The following ERBB4 variants were observed in gnomAD, a reference collection of about 807,000 sequenced individuals.
The protein encoded by ERBB4 is receptor tyrosine-protein kinase erbB-4.
Under a neutral mutation model 158.0 loss-of-function variants are expected in ERBB4, and 42 were observed. That is an observed-to-expected ratio of 0.27 (90% CI 0.21 to 0.34). The LOEUF (loss-of-function observed/expected upper bound fraction) is 0.34. Ranked by LOEUF, ERBB4 falls within the 10% of genes least tolerant of loss-of-function variation. ERBB4 has a pLI of 1.00. For missense variants in ERBB4, 1,333 were observed against 1,624.1 expected (o/e 0.82, Z 3.08); for synonymous variants, 583 against 558.7 (o/e 1.04, Z -0.61).
rs959519309 is a variant in ERBB4, at chr2:211,420,757, A to T, written c.2965-146T>A. 4.2e-6 allele frequency: 3 copies of T among 718,096 alleles called. No homozygotes were observed. The African/African-American group carries it at 5.4e-5, about 13-fold the overall frequency. 44.5% of individuals were successfully genotyped at this position (718,096 alleles called of 1,614,324 possible). A position where few individuals can be genotyped will look rare whatever the true frequency, so the allele number is the denominator to read the frequency against. On this transcript the variant is annotated intron_variant, in intron 24 of 27. Coordinates refer to ENST00000342788, the MANE Select transcript of ERBB4 (RefSeq NM_005235.3). ...AAAAAAACAAGTCTTTAGCACAACC[A>T]CCGGCCATTAAGAAACCTATAACAT... is the stretch of plus-strand genomic sequence containing the variant.
intron 1 of ERBB4, among the ~76,000 whole-genome samples, chr2:212,298,984 TATC>T (rs1376214252): frequency 6.6e-6 from 1 of 151,752 alleles, no homozygotes; most frequent in Admixed American, 6.6e-5. Flanking sequence ...TGATAATAAT[TATC>T]ATAATAATAG....
intron 2 of ERBB4, among the ~76,000 whole-genome samples, chr2:212,031,825 A>G (rs1359832929): frequency 4.6e-5 from 7 of 152,118 alleles, no homozygotes; most frequent in Non-Finnish European, 1.0e-4. Context: ...CTGACACTTT[A>G]TATTAAATTG....
At chr2:212,093,325 A>G (rs566623171) in intron 2 of ERBB4, among the ~76,000 whole-genome samples, 57 of 152,338 alleles carry the variant, frequency 3.7e-4, no homozygotes, top group African/African-American at 1.3e-3. Context: ...GGATAATATT[A>G]CTATCATTTC....
At chr2:211,772,530 G>A (rs1158589517) in intron 4 of ERBB4, among the ~76,000 whole-genome samples, 1 of 151,936 alleles carries the variant, frequency 6.6e-6, no homozygotes, top group African/African-American at 2.4e-5. Flanking sequence ...GAGGGTCTCA[G>A]TAGTGGGGGA....
intron 1 of ERBB4, among the ~76,000 whole-genome samples, chr2:212,512,814 A>G (rs1322728459): frequency 4.6e-5 from 7 of 152,290 alleles, no homozygotes; most frequent in Admixed American, 6.5e-5. Context: ...GAAAAAAATG[A>G]AAGAGGAAAA....
intron 20 of ERBB4, among the ~76,000 whole-genome samples, chr2:211,518,684 G>A (rs1251134233): frequency 6.6e-6 from 1 of 151,880 alleles, no homozygotes; most frequent in Non-Finnish European, 1.5e-5. Context: ...TCTATGTAAA[G>A]GGTTTTGTTT....
intron 1 of ERBB4, among the ~76,000 whole-genome samples, chr2:212,327,226 G>A (rs559548216): frequency 7.2e-5 from 10 of 138,852 alleles, no homozygotes; most frequent in African/African-American, 2.2e-4. Flanking sequence ...ACTGTTCTAA[G>A]TACTTCAAGT....
rs190140042 is a variant in ERBB4, at chr2:211,445,769, A to G, written c.2488-14669T>C. Reference sequence around the variant, plus strand: ...TAGGCTCTTAAAACTAAATGAATACATAGGCTGTCACTTGAAAGAGGAAGT... The same window carrying G: ...TAGGCTCTTAAAACTAAATGAATACGTAGGCTGTCACTTGAAAGAGGAAGT... On this transcript the variant is annotated intron_variant, in intron 20 of 27. Coordinates refer to ENST00000342788, the MANE Select transcript of ERBB4 (RefSeq NM_005235.3). Among the ~76,000 whole-genome samples the G allele has an allele frequency of 4.7e-4, 72 of 152,254 alleles. 1 individual carries two copies. In the East Asian group the frequency reaches 0.011, roughly 23 times the overall value.
chr2:212,044,878 A>T (rs1407220938), intron 2 of ERBB4, among the ~76,000 whole-genome samples: 2 of 151,818 alleles, frequency 1.3e-5, no homozygotes, highest in Non-Finnish European at 2.9e-5. Context: ...CTCAGTTCCA[A>T]TTGTTATGTG....
intron 19 of ERBB4, among the ~76,000 whole-genome samples, chr2:211,615,183 G>T (rs2125839737): frequency 6.6e-6 from 1 of 152,044 alleles, no homozygotes; most frequent in African/African-American, 2.4e-5. Context: ...CTGTTACTAG[G>T]TTTAAATACT....
intron 2 of ERBB4, among the ~76,000 whole-genome samples, chr2:212,068,685 T>C (rs962049679): frequency 1.3e-4 from 20 of 152,070 alleles, no homozygotes; most frequent in Non-Finnish European, 2.4e-4. Context: ...CTCTTTGTTC[T>C]TTGTCTCTGC....
In ERBB4 at chr2:212,329,111, G is replaced by A. The variant is rs919675068; in HGVS notation, c.83-204208C>T. The stretch of plus-strand genomic sequence containing the variant: ...AACCACTTCAGTTTACTGAGAGCTT[G>A]TTATTTCATTTTTTCACTTTAAAGG... On this transcript the variant is annotated intron_variant, in intron 1 of 27. Coordinates refer to ENST00000342788, the MANE Select transcript of ERBB4 (RefSeq NM_005235.3). Among the ~76,000 whole-genome samples the A allele has an allele frequency of 2.4e-4, 36 of 152,002 alleles. 1 individual carries two copies. In the South Asian group the frequency reaches 5.2e-3, roughly 22 times the overall value.
intron 3 of ERBB4, among the ~76,000 whole-genome samples, chr2:211,919,409 T>G (rs1432692356): frequency 1.3e-5 from 2 of 152,162 alleles, no homozygotes; most frequent in African/African-American, 2.4e-5. Flanking sequence ...ATAGGATATC[T>G]TACAGGGAGA....
At chr2:211,531,933 T>G in intron 20 of ERBB4, among the ~76,000 whole-genome samples, 1 of 151,972 alleles carries the variant, frequency 6.6e-6, no homozygotes, top group Admixed American at 6.6e-5. Context: ...GATGAATGGA[T>G]AAAGAAAATC....
intron 20 of ERBB4, among the ~76,000 whole-genome samples, chr2:211,540,205 T>TAGACACAC (rs60602351): frequency 6.8e-6 from 1 of 147,766 alleles, no homozygotes; most frequent in Admixed American, 6.8e-5. Flanking sequence ...TATATATATA[T>TAGACACAC]ACACACACAC....
intron 20 of ERBB4, among the ~76,000 whole-genome samples, chr2:211,533,339 C>T (rs374661827): frequency 6.6e-6 from 1 of 151,988 alleles, no homozygotes; most frequent in Non-Finnish European, 1.5e-5. Flanking sequence ...TGTATCCCTG[C>T]TCAGTTGTCA....
chr2:211,864,104 C>A (rs1174723124), intron 3 of ERBB4, among the ~76,000 whole-genome samples: 1 of 152,154 alleles, frequency 6.6e-6, no homozygotes, highest in Non-Finnish European at 1.5e-5. Context: ...TTTCTCATCA[C>A]CCAGTCTTGA....
At chr2:211,504,372 C>G (rs1258726806) in intron 20 of ERBB4, among the ~76,000 whole-genome samples, 2 of 151,876 alleles carry the variant, frequency 1.3e-5, no homozygotes, top group African/African-American at 4.8e-5. Context: ...GAACCTTGGC[C>G]CTCTAATAGT....
At chr2:211,957,896 T>C (rs2081075705) in intron 2 of ERBB4, among the ~76,000 whole-genome samples, 1 of 152,136 alleles carries the variant, frequency 6.6e-6, no homozygotes, top group South Asian at 2.1e-4. Context: ...TGTTTTCCCA[T>C]TCAAAATTTA....
Sources: gnomAD v4.1 joint callset for allele counts (sites outside exome capture counted in the v4.1 genomes callset) on GRCh38, gnomAD v4.1.1 for gene constraint, MANE v1.5 for transcripts, NCBI Gene and HGNC (gene_info 2026-07-23, HGNC 2026-07-21) for gene names.